Variants in KCND3 observed in about 807,000 individuals in gnomAD.
KCND3 encodes the protein A-type voltage-gated potassium channel KCND3.
In KCND3, 9 loss-of-function variants were observed where a neutral mutation model predicts 51.1. The ratio of observed to expected loss-of-function variants is 0.18; its 90% confidence interval spans 0.11 to 0.31. The LOEUF is 0.31. Among genes scored for constraint, KCND3 ranks in the 10% least tolerant of loss-of-function variants. The pLI is 1.00. For synonymous variants in KCND3, 349 were observed against 368.0 expected, an observed-to-expected ratio of 0.95 and a Z score of 0.59; for missense variants, 526 against 903.8, an observed-to-expected ratio of 0.58 and a Z score of 5.36.
At chr1:111,919,891 A>G (rs1341536356) in intron 2 of KCND3, among the ~76,000 whole-genome samples, 1 of 152,222 alleles carries the variant, frequency 6.6e-6, no homozygotes, top group Non-Finnish European at 1.5e-5. Flanking sequence ...GCAGCATGTG[A>G]ATGAATGACA....
chr1:111,955,436 A>T (rs772782152), intron 2 of KCND3, among the ~76,000 whole-genome samples: 14 of 152,178 alleles, frequency 9.2e-5, no homozygotes, highest in Non-Finnish European at 1.3e-4. Flanking sequence ...CAGCAACAAC[A>T]AAAACCATCT....
At chr1:111,883,120 C>T (rs1000472612) in intron 2 of KCND3, among the ~76,000 whole-genome samples, 5 of 152,204 alleles carry the variant, frequency 3.3e-5, no homozygotes, top group African/African-American at 1.2e-4. Flanking sequence ...CAGACAAGGC[C>T]GTTGACAACT....
chr1:111,935,916 C>T (rs576425525), intron 2 of KCND3, among the ~76,000 whole-genome samples: 219 of 152,312 alleles, frequency 1.4e-3, no homozygotes, highest in African/African-American at 5.0e-3. Flanking sequence ...ACACATGCCC[C>T]CTATGTAATC....
intron 2 of KCND3, among the ~76,000 whole-genome samples, chr1:111,935,040 T>A (rs569775541): frequency 2.0e-5 from 3 of 152,358 alleles, no homozygotes; most frequent in Admixed American, 2.0e-4. Context: ...GAGTAATCAC[T>A]GGAGGTCACC....
chr1:111,952,308 C>A (rs1673099378), intron 2 of KCND3, among the ~76,000 whole-genome samples: 1 of 152,144 alleles, frequency 6.6e-6, no homozygotes, highest in African/African-American at 2.4e-5. Flanking sequence ...CCTACCCAAC[C>A]CTTGCAGGGC....
chr1:111,831,719 T>G (rs979725634), intron 2 of KCND3, among the ~76,000 whole-genome samples: 2 of 152,190 alleles, frequency 1.3e-5, no homozygotes, highest in Non-Finnish European at 2.9e-5. Context: ...AGATCTATAC[T>G]GAGCTGGCCC....
At chr1:111,832,908 C>T (rs926601654) in intron 2 of KCND3, among the ~76,000 whole-genome samples, 6 of 152,196 alleles carry the variant, frequency 3.9e-5, no homozygotes, top group African/African-American at 1.4e-4. Flanking sequence ...TCCTCCAGCT[C>T]ACCACCAGCA....
chr1:111,924,646 T>C (rs1286608474), intron 2 of KCND3, among the ~76,000 whole-genome samples: 1 of 152,136 alleles, frequency 6.6e-6, no homozygotes, highest in East Asian at 1.9e-4. Context: ...AGGGCAAGGG[T>C]GCCCTTGGAT....
At chr1:111,905,097 C>T (rs1251997672) in intron 2 of KCND3, among the ~76,000 whole-genome samples, 1 of 152,234 alleles carries the variant, frequency 6.6e-6, no homozygotes, top group Non-Finnish European at 1.5e-5. Flanking sequence ...CAGAGCCTTT[C>T]ATGCTAAACC....
intron 2 of KCND3, among the ~76,000 whole-genome samples, chr1:111,834,889 T>C (rs1026706645): frequency 9.2e-5 from 14 of 152,230 alleles, no homozygotes; most frequent in African/African-American, 3.4e-4. Flanking sequence ...GTGGACATGC[T>C]TCAGTCTGTC....
chr1:111,900,192 C>T (rs935665129), intron 2 of KCND3, among the ~76,000 whole-genome samples: 10 of 152,114 alleles, frequency 6.6e-5, no homozygotes, highest in Admixed American at 3.9e-4. Context: ...GACCCCTGCC[C>T]GGAGGGAGAG....
At chr1:111,904,960 C>A (rs1476159574) in intron 2 of KCND3, among the ~76,000 whole-genome samples, 1 of 152,180 alleles carries the variant, frequency 6.6e-6, no homozygotes, top group Non-Finnish European at 1.5e-5. Flanking sequence ...GCAGAGGGGG[C>A]AGCCCTGTCA....
At chr1:111,865,862 G>A (rs367664552) in intron 2 of KCND3, among the ~76,000 whole-genome samples, 129 of 152,130 alleles carry the variant, frequency 8.5e-4, no homozygotes, top group South Asian at 3.5e-3. Context: ...GCACCATCAT[G>A]CCCAGCTAAT....
rs371809020 is a variant in KCND3, at chr1:111,793,762, T to A, written c.1107-6656A>T. On this transcript the variant is annotated intron_variant, in intron 2 of 7. Transcript: ENST00000302127. Reference sequence around the variant, plus strand: ...ATTCTCTGAGTCCTAATGGCATTTATGGCCTATTTTCTCTGTGGAATTTTG... The same window carrying A: ...ATTCTCTGAGTCCTAATGGCATTTAAGGCCTATTTTCTCTGTGGAATTTTG... Among the ~76,000 whole-genome samples, 3 of 152,214 alleles carry A rather than the reference T, an allele frequency of 2.0e-5. No homozygotes were observed. In the South Asian group the frequency reaches 6.2e-4, roughly 32 times the overall value.
At chr1:111,810,954 T>A (rs1197573944) in intron 2 of KCND3, among the ~76,000 whole-genome samples, 1 of 152,150 alleles carries the variant, frequency 6.6e-6, no homozygotes, top group Non-Finnish European at 1.5e-5. Flanking sequence ...GGTCTCAGGA[T>A]GTGACTCCCT....
chr1:111,811,973 G>C (rs973153118), intron 2 of KCND3, among the ~76,000 whole-genome samples: 4 of 152,208 alleles, frequency 2.6e-5, no homozygotes, highest in Admixed American at 1.3e-4. Context: ...GGACCAGTGA[G>C]AGCATTCCTT....
chr1:111,857,623 G>A (rs772134788), intron 2 of KCND3, among the ~76,000 whole-genome samples: 1 of 151,546 alleles, frequency 6.6e-6, no homozygotes, highest in Non-Finnish European at 1.5e-5. Context: ...GACTCCAGCT[G>A]TCTTCTCCTC....
intron 2 of KCND3, among the ~76,000 whole-genome samples, chr1:111,847,729 G>A (rs1482782130): frequency 6.6e-6 from 1 of 152,154 alleles, no homozygotes; most frequent in Non-Finnish European, 1.5e-5. Flanking sequence ...TGGCTGTCCT[G>A]GGCTTAATTG....
At chr1:111,810,914 A>G (rs1174967186) in intron 2 of KCND3, among the ~76,000 whole-genome samples, 1 of 152,072 alleles carries the variant, frequency 6.6e-6, no homozygotes, top group Admixed American at 6.5e-5. Flanking sequence ...CTGTAAAAGG[A>G]GCCAAGCCAA....
Sources: gnomAD v4.1 joint callset for allele counts (sites outside exome capture counted in the v4.1 genomes callset) on GRCh38, gnomAD v4.1.1 for gene constraint, MANE v1.5 for transcripts, NCBI Gene and HGNC (gene_info 2026-07-23, HGNC 2026-07-21) for gene names.